The following FCGR2A variants were observed in gnomAD, a reference collection of about 807,000 sequenced individuals.
The protein encoded by FCGR2A is Fc gamma receptor IIa.
In FCGR2A, 18 loss-of-function variants were observed where a neutral mutation model predicts 29.3. The ratio of observed to expected loss-of-function variants is 0.62; its 90% CI spans 0.43 to 0.91. The LOEUF (loss-of-function observed/expected upper bound fraction) is 0.91. Among genes scored for constraint, FCGR2A ranks in the 40% least tolerant of loss-of-function variants. FCGR2A has a pLI of 0.00. For missense variants in FCGR2A, 287 were observed against 393.0 expected, an observed-to-expected ratio of 0.73 and a Z score of 2.28; for synonymous variants, 126 against 144.8, an observed-to-expected ratio of 0.87 and a Z score of 0.93.
chr1:161,510,545 G>A (rs1282674829), intron 4 of FCGR2A, among the ~76,000 whole-genome samples: 1 of 152,212 alleles, frequency 6.6e-6, no homozygotes, highest in East Asian at 1.9e-4. Context: ...TGTCCCCAGG[G>A]GCTAAGGGGA....
chr1:161,511,551 G>A (rs1009260634), intron 5 of FCGR2A, among the ~76,000 whole-genome samples: 1 of 152,198 alleles, frequency 6.6e-6, no homozygotes, highest in Non-Finnish European at 1.5e-5. Flanking sequence ...TGACACTCCT[G>A]GGCGTCCCCA....
At position 161,516,694 on chromosome 1, in the gene FCGR2A, A is replaced by G. The variant is rs373450985; in HGVS notation, c.781-1281A>G. 1.8e-4 allele frequency among the ~76,000 whole-genome samples: 28 copies of G among 151,820 alleles called. No homozygotes were observed. The East Asian group carries it at 4.4e-3, about 24-fold the overall frequency. On this transcript the variant is annotated intron_variant, in intron 6 of 6. Transcript: ENST00000271450. ...TAAAAATATTTTTCTCCAGAATAAAAAAGATTATATTTTAGTAGAAAACTA... is the reference window on the plus strand; with the variant it reads ...TAAAAATATTTTTCTCCAGAATAAAGAAGATTATATTTTAGTAGAAAACTA...
At chr1:161,508,289 A>G (rs1403902908) in intron 3 of FCGR2A, among the ~76,000 whole-genome samples, 3 of 149,776 alleles carry the variant, frequency 2.0e-5, no homozygotes, top group African/African-American at 7.3e-5. Context: ...TTTCATATAC[A>G]GAATACTTTT....
At chr1:161,505,576 G>T in intron 1 of FCGR2A, 24 bp downstream of exon 1, 1 of 1,585,526 alleles carries the variant, frequency 6.3e-7, no homozygotes, top group Non-Finnish European at 8.7e-7. Context: ...ATTCTGAAAT[G>T]GGGCAATTTC....
chr1:161,514,831 G>T (rs537207300), intron 6 of FCGR2A: 1 of 151,178 alleles, frequency 6.6e-6, no homozygotes, highest in African/African-American at 2.4e-5. Context: ...ATTGAACTAG[G>T]TGTTCAACAG....
At chr1:161,521,847 C>T (rs1056927867), downstream of FCGR2A, among the ~76,000 whole-genome samples, 12 of 152,120 alleles carry the variant, frequency 7.9e-5, no homozygotes, top group South Asian at 2.1e-3. Flanking sequence ...ATTGCCCCGT[C>T]TCAGGTATGT....
downstream of FCGR2A, among the ~76,000 whole-genome samples, chr1:161,520,942 C>T (rs1461274361): frequency 6.6e-6 from 1 of 151,520 alleles, no homozygotes; most frequent in Non-Finnish European, 1.5e-5. Flanking sequence ...GTCACTCTTG[C>T]TCTTCCTTGA....
At chr1:161,523,874 C>T (rs1020361938), downstream of FCGR2A, 2 of 152,018 alleles carry the variant, frequency 1.3e-5, no homozygotes, top group Non-Finnish European at 2.9e-5. Context: ...GAACCCGGGC[C>T]TCCCGCGTGG....
At chr1:161,523,114 A>G (rs1676518153), downstream of FCGR2A, 1 of 151,996 alleles carries the variant, frequency 6.6e-6, no homozygotes, top group Admixed American at 6.6e-5. Context: ...TGTACCACAT[A>G]CTCTCCAGCT....
intron 3 of FCGR2A, 124 bp from the exon 4 acceptor site, chr1:161,509,696 T>C: frequency 7.8e-7 from 1 of 1,280,850 alleles, no homozygotes; most frequent in Non-Finnish European, 1.1e-6. Context: ...ACATCTGTCA[T>C]GAAGCATCTT....
intron 6 of FCGR2A, chr1:161,515,008 T>C (rs1271367233): frequency 2.4e-4 from 37 of 152,248 alleles, no homozygotes; most frequent in African/African-American, 8.2e-4. Flanking sequence ...TCTAGAGAAA[T>C]AGGTGTGCCT....
rs1250005297 is a variant in FCGR2A at position 161,518,024 on chromosome 1, C to G, written c.830C>G (p.Thr277Ser). The change falls in exon 7 of 7, where the codon ACC (threonine) becomes AGC (serine). Residue 277 changes from threonine to serine, a missense_variant. By Grantham distance (58) the Thr-to-Ser change is moderately conservative. Around this residue, in one of 3 missense-constraint regions of FCGR2A, gnomAD observed 34 missense variants for 73.5 expected, o/e 0.46. Transcript: ENST00000271450. The part of the protein sequence containing the change: ...IAIRKRQLEE[T>S]NNDYETADGG... Reference sequence around the variant, plus strand: ...ATCAGAAAGAGACAACTTGAAGAAACCAACAATGACTATGAAACAGCTGAC... The same window carrying G: ...ATCAGAAAGAGACAACTTGAAGAAAGCAACAATGACTATGAAACAGCTGAC... The G allele has an allele frequency of 3.7e-6, 6 of 1,613,684 alleles. No individual in the cohort carries two copies. Among genetic ancestry groups the G allele is most frequent in the Non-Finnish European group, 5.1e-6 (6 of 1,179,810 alleles).
intron 3 of FCGR2A, among the ~76,000 whole-genome samples, chr1:161,507,414 C>T (rs9427400): frequency 0.099 from 15,074 of 152,208 alleles, 923 homozygotes; most frequent in Middle Eastern, 0.15. Flanking sequence ...TGAGCCACCA[C>T]GCCTGGCTTA....
chr1:161,507,401 G>A (rs1675486336), intron 3 of FCGR2A, among the ~76,000 whole-genome samples: 2 of 152,186 alleles, frequency 1.3e-5, no homozygotes, highest in South Asian at 2.1e-4. Context: ...GGGATTATAG[G>A]CGTGAGCCAC....
chr1:161,505,617 C>A, intron 1 of FCGR2A, 65 bp downstream of exon 1: 1 of 1,323,364 alleles, frequency 7.6e-7, no homozygotes, highest in Non-Finnish European at 1.1e-6. Context: ...CTCCAGGTAC[C>A]AGTGTGGTAA....
At chr1:161,507,411 C>T (rs924513307) in intron 3 of FCGR2A, among the ~76,000 whole-genome samples, 2 of 152,196 alleles carry the variant, frequency 1.3e-5, no homozygotes, top group African/African-American at 4.8e-5. Context: ...GCGTGAGCCA[C>T]CACGCCTGGC....
chr1:161,512,210 T>G (rs1571973642), intron 5 of FCGR2A, among the ~76,000 whole-genome samples: 3 of 145,030 alleles, frequency 2.1e-5, no homozygotes, highest in African/African-American at 2.6e-5. Flanking sequence ...GAGGCAGGAG[T>G]CTAAGGGGAA....
At chr1:161,521,550 A>G (rs1676450094), downstream of FCGR2A, among the ~76,000 whole-genome samples, 1 of 152,028 alleles carries the variant, frequency 6.6e-6, no homozygotes, top group East Asian at 1.9e-4. Context: ...CTATAGTGAA[A>G]TGGTTTGGCT....
chr1:161,511,186 G>C (rs1675753525), intron 5 of FCGR2A, among the ~76,000 whole-genome samples: 1 of 152,200 alleles, frequency 6.6e-6, no homozygotes. Context: ...ACCAGTGCCT[G>C]GTAGGCAGTA....
Sources: allele counts gnomAD v4.1 joint callset (sites outside exome capture counted in the v4.1 genomes callset), GRCh38; gene constraint gnomAD v4.1.1; regional missense constraint gnomAD v4.1.1; transcripts MANE v1.5; gene names NCBI Gene and HGNC (gene_info 2026-07-23, HGNC 2026-07-21).